The following CAMKK2 variants were observed in gnomAD, a reference collection of about 807,000 sequenced individuals.
The protein encoded by CAMKK2 is calcium/calmodulin-dependent protein kinase kinase 2.
In CAMKK2, 30 loss-of-function variants were observed where a neutral mutation model predicts 67.2. The observed-to-expected ratio is 0.45, with a 90% CI of 0.33 to 0.61. CAMKK2 has a LOEUF of 0.61. CAMKK2 is among the 20% of genes least tolerant of loss of function. The pLI is 0.02. For missense variants in CAMKK2, 643 were observed against 802.0 expected, an observed-to-expected ratio of 0.80 and a Z score of 2.39; for synonymous variants, 322 against 326.2, an observed-to-expected ratio of 0.99 and a Z score of 0.14.
chr12:121,238,540 C>G lies in CAMKK2; in HGVS notation c.*2159G>C, dbSNP rs1290791879. The G allele has an allele frequency of 6.6e-6, 1 of 152,262 alleles. No individual in the cohort carries two copies. The highest frequency in any genetic ancestry group is 1.5e-5 in the Non-Finnish European group (1 of 67,990). The allele number at this position is 152,262 out of a possible 1,614,324, so 9.4% of individuals were successfully genotyped here. On this transcript the variant is annotated 3_prime_UTR_variant, in exon 17 of 17. Coordinates refer to ENST00000404169, the MANE Select transcript of CAMKK2 (RefSeq NM_001270485.2). ...TGGGGCAGGTCCTTTCCACAGCTTT[C>G]TTTGGTGTTTCTTCATTAAAAGAAA...
chr12:121,286,763 A>C (rs947112743), intron 1 of CAMKK2, among the ~76,000 whole-genome samples: 1 of 152,178 alleles, frequency 6.6e-6, no homozygotes, highest in Non-Finnish European at 1.5e-5. Flanking sequence ...AGGCACAGAG[A>C]GCCTGGCTGA....
chr12:121,290,630 C>T lies in CAMKK2; in HGVS notation c.-60+6008G>A, dbSNP rs930949408. ...TCTTGAGCCTGGGAGGTTGAGGCTA[C>T]GGTGGGCCATGATGGCAACACTGCA... On this transcript the variant is annotated intron_variant, in intron 1 of 16. Coordinates refer to ENST00000404169, the MANE Select transcript of CAMKK2 (RefSeq NM_001270485.2). Among the ~76,000 whole-genome samples the T allele has an allele frequency of 3.9e-5, 6 of 152,222 alleles. No homozygotes were observed. In the East Asian group the frequency reaches 5.8e-4, roughly 15 times the overall value.
At position 121,253,488 on chromosome 12, in the gene CAMKK2, C is replaced by T. The variant is rs1891212942; in HGVS notation, c.908-16G>A. Reference sequence around the variant, plus strand: ...TGGTAGTGTACTGGGGAGGCGTAGACAGCAGGTGGGAGATAGGGGCAGGAA... The same window carrying T: ...TGGTAGTGTACTGGGGAGGCGTAGATAGCAGGTGGGAGATAGGGGCAGGAA... On this transcript the variant is annotated splice_polypyrimidine_tract_variant and intron_variant, in intron 9 of 16. Coordinates refer to ENST00000404169, the MANE Select transcript of CAMKK2 (RefSeq NM_001270485.2). This position sits in a 1 kb window ranked among gnomAD's most constrained non-coding sequence, Gnocchi z 5.0. The T allele has an allele frequency of 6.2e-7, 1 of 1,612,694 alleles. No homozygotes were observed. Among genetic ancestry groups the T allele is most frequent in the Non-Finnish European group, 8.5e-7 (1 of 1,178,734 alleles).
intron 4 of CAMKK2, 140 bp from the exon 5 acceptor site, chr12:121,268,829 G>C (rs1234800790): frequency 6.7e-6 from 5 of 748,914 alleles, no homozygotes; most frequent in Non-Finnish European, 4.7e-6. Context: ...CAGGTCAACA[G>C]AGTGAGCCCC....
At position 121,245,901 on chromosome 12, in the gene CAMKK2, T is replaced by A. The variant is rs949144295; in HGVS notation, c.1453-661A>T. On this transcript the variant is annotated intron_variant, in intron 14 of 16. Transcript: ENST00000404169. This position sits in a 1 kb window ranked among gnomAD's most constrained non-coding sequence, Gnocchi z 5.8. Reference sequence around the variant, plus strand: ...GAAGATAAACTCAAAGCGGTCTGTCTGTGCAATGGAACATGATTCAGCCAT... The same window carrying A: ...GAAGATAAACTCAAAGCGGTCTGTCAGTGCAATGGAACATGATTCAGCCAT... 3.3e-5 allele frequency among the ~76,000 whole-genome samples: 5 copies of A among 152,242 alleles called. No homozygotes were observed. The highest frequency in any genetic ancestry group is 6.5e-5 in the Admixed American group (1 of 15,280).
chr12:121,273,453 T>C (rs947901090), intron 2 of CAMKK2, among the ~76,000 whole-genome samples: 21 of 151,838 alleles, frequency 1.4e-4, no homozygotes, highest in Non-Finnish European at 2.6e-4. Flanking sequence ...AGGATCTGAG[T>C]TCTCTGTATC....
intron 2 of CAMKK2, among the ~76,000 whole-genome samples, chr12:121,273,241 G>A (rs549687963): frequency 2.6e-5 from 4 of 151,992 alleles, no homozygotes; most frequent in African/African-American, 4.8e-5. Context: ...GGACATTATC[G>A]GAATAGGCCT....
Position 121,245,963 on chromosome 12 carries a change from G to A in CAMKK2, c.1453-723C>T, listed in dbSNP as rs368040486. Among the ~76,000 whole-genome samples the A allele has an allele frequency of 7.2e-4, 109 of 152,230 alleles. No individual in the cohort carries two copies. The highest frequency in any genetic ancestry group is 2.4e-3 in the African/African-American group (100 of 41,528). ...CACTGATCCATGCTACAACACAAAC[G>A]GACCCTGAAAACCTTCTCCTACGTC... On this transcript the variant is annotated intron_variant, in intron 14 of 16. Coordinates refer to ENST00000404169, the MANE Select transcript of CAMKK2 (RefSeq NM_001270485.2). The surrounding 1 kb of genome is among the most constrained non-coding windows in gnomAD (Gnocchi z 5.8).
At chr12:121,246,046 T>C (rs1889376963) in intron 14 of CAMKK2, among the ~76,000 whole-genome samples, 1 of 151,632 alleles carries the variant, frequency 6.6e-6, no homozygotes, top group African/African-American at 2.4e-5. Flanking sequence ...TACACAAATC[T>C]ATAGACACAG....
At chr12:121,241,978 A>G (rs776140509) in intron 16 of CAMKK2, among the ~76,000 whole-genome samples, 17 of 152,174 alleles carry the variant, frequency 1.1e-4, no homozygotes, top group Non-Finnish European at 1.3e-4. Context: ...GAAGAAAGGA[A>G]GGGGCAGCAT....
intron 1 of CAMKK2, among the ~76,000 whole-genome samples, chr12:121,278,472 C>T (rs912071757): frequency 1.8e-4 from 27 of 152,222 alleles, no homozygotes; most frequent in Non-Finnish European, 3.2e-4. Flanking sequence ...TGTCCTCTCC[C>T]AAATCTCACC....
rs193121320 is a variant in CAMKK2, at chr12:121,290,673, G to A, written c.-60+5965C>T. Among the ~76,000 whole-genome samples, 1,015 of 152,304 alleles carry A rather than the reference G, an allele frequency of 6.7e-3. 8 individuals carry two copies. Among genetic ancestry groups the A allele is most frequent in the African/African-American group, 0.023 (975 of 41,548 alleles). On this transcript the variant is annotated intron_variant, in intron 1 of 16. Transcript: ENST00000404169. ...ACACTGCACTCCAGCCTGGGCGAGT[G>A]AGTGAGATCCCATCTCAAAACACAC...
intron 7 of CAMKK2, among the ~76,000 whole-genome samples, chr12:121,257,285 T>C (rs538358598): frequency 1.3e-4 from 20 of 152,120 alleles, no homozygotes; most frequent in Non-Finnish European, 2.1e-4. Context: ...CTTGCTCTGT[T>C]GCCCAGGCTG....
At chr12:121,288,714 G>A (rs1373436705) in intron 1 of CAMKK2, among the ~76,000 whole-genome samples, 3 of 151,932 alleles carry the variant, frequency 2.0e-5, no homozygotes, top group Non-Finnish European at 4.4e-5. Flanking sequence ...GCAACACCTT[G>A]GCCTCCCCAC....
chr12:121,291,187 C>G (rs181545999), intron 1 of CAMKK2, among the ~76,000 whole-genome samples: 19 of 152,280 alleles, frequency 1.2e-4, no homozygotes, highest in Middle Eastern at 3.4e-3. Flanking sequence ...AAGGGAATCC[C>G]GAAAACCTTG....
Position 121,255,584 on chromosome 12 carries a change from G to C in CAMKK2, c.873C>G (p.Phe291Leu), listed in dbSNP as rs1223251103. ...TGCCTTTGATCAGATCCTGGAAGTA[G>C]AAACGGGCCTGGTCTTCAGAGAGTG... ...LKPLSEDQAR[F>L]YFQDLIKGIE... Residue 291 changes from phenylalanine to leucine, a missense_variant, in exon 9 of 17, where the codon TTC becomes TTG. By Grantham distance (22) the Phe-to-Leu change is conservative (BLOSUM62 0). Around this residue, in one of 3 missense-constraint regions of CAMKK2, gnomAD observed 483 missense variants for 625.8 expected, o/e 0.77. Transcript: ENST00000404169. 3.1e-6 allele frequency: 5 copies of C among 1,612,504 alleles called. No homozygotes were observed. The highest frequency in any genetic ancestry group is 1.6e-4 in the Middle Eastern group (1 of 6,062).
intron 2 of CAMKK2, 141 bp from the exon 3 acceptor site, chr12:121,271,086 CCAA>C: frequency 1.5e-6 from 1 of 663,276 alleles, no homozygotes; most frequent in Non-Finnish European, 2.7e-6. Context: ...ACCAGCCTGG[CCAA>C]CATGGTGAAA....
intron 1 of CAMKK2, among the ~76,000 whole-genome samples, chr12:121,291,422 A>G (rs1020958171): frequency 6.6e-5 from 10 of 152,224 alleles, no homozygotes; most frequent in African/African-American, 1.9e-4. Flanking sequence ...CATCCACACA[A>G]TGGAATAGTA....
chr12:121,293,766 C>A (rs1900585998), intron 1 of CAMKK2, among the ~76,000 whole-genome samples: 1 of 152,068 alleles, frequency 6.6e-6, no homozygotes, highest in Non-Finnish European at 1.5e-5. Flanking sequence ...CAAGGCTCTG[C>A]ACAAATGACA....
Sources: gnomAD v4.1 joint callset for allele counts (sites outside exome capture counted in the v4.1 genomes callset) on GRCh38, gnomAD v4.1.1 for gene constraint, gnomAD v4.1.1 regional missense constraint, Gnocchi (gnomAD v3.1) non-coding constraint, MANE v1.5 for transcripts, NCBI Gene and HGNC (gene_info 2026-07-23, HGNC 2026-07-21) for gene names.